IGF2BP2: variants seen among roughly 807,000 people sequenced by gnomAD.
IGF2BP2 encodes the protein insulin like growth factor 2 mRNA binding protein 2.
In IGF2BP2, 17 loss-of-function variants were observed where a neutral mutation model predicts 75.8. That is an observed-to-expected ratio of 0.22 (90% CI 0.15 to 0.34). The LOEUF (loss-of-function observed/expected upper bound fraction) is 0.34, where lower values mean the gene tolerates loss of function less well. IGF2BP2 is among the 10% of genes least tolerant of loss of function. IGF2BP2 has a pLI of 1.00. For missense variants in IGF2BP2, 516 were observed against 772.4 expected, an observed-to-expected ratio of 0.67 and a Z score of 3.93; for synonymous variants, 288 against 295.6, an observed-to-expected ratio of 0.97 and a Z score of 0.26.
At chr3:185,742,926 C>T (rs1049312604) in intron 2 of IGF2BP2, among the ~76,000 whole-genome samples, 1 of 151,962 alleles carries the variant, frequency 6.6e-6, no homozygotes, top group African/African-American at 2.4e-5. Flanking sequence ...TGGTGAAACC[C>T]CGTCTCTACT....
intron 2 of IGF2BP2, among the ~76,000 whole-genome samples, chr3:185,814,325 A>C (rs976271063): frequency 6.6e-6 from 1 of 152,218 alleles, no homozygotes; most frequent in African/African-American, 2.4e-5. Flanking sequence ...TCAAAACCTT[A>C]TTCATACAAT....
chr3:185,824,315 G>A (rs531337339), intron 1 of IGF2BP2, among the ~76,000 whole-genome samples: 2 of 151,562 alleles, frequency 1.3e-5, no homozygotes, highest in Non-Finnish European at 2.9e-5. Flanking sequence ...GAGGTTCTGG[G>A]CACGAGGCAC....
intron 2 of IGF2BP2, among the ~76,000 whole-genome samples, chr3:185,718,514 T>C (rs927852768): frequency 6.6e-6 from 1 of 151,348 alleles, no homozygotes; most frequent in African/African-American, 2.4e-5. Context: ...AGTGAAATCC[T>C]CTCTACTAAA....
At chr3:185,822,448 T>C (rs759969708) in intron 2 of IGF2BP2, among the ~76,000 whole-genome samples, 22 of 152,242 alleles carry the variant, frequency 1.4e-4, no homozygotes, top group Non-Finnish European at 2.6e-4. Flanking sequence ...CAAATCACTG[T>C]GGAGAAATCC....
intron 2 of IGF2BP2, among the ~76,000 whole-genome samples, chr3:185,711,698 T>C (rs763496879): frequency 2.6e-5 from 4 of 152,182 alleles, no homozygotes; most frequent in Non-Finnish European, 5.9e-5. Flanking sequence ...TCAAATTCCT[T>C]TTCCTACCTC....
chr3:185,660,599 C>T (rs1172448538), intron 10 of IGF2BP2, among the ~76,000 whole-genome samples: 2 of 152,132 alleles, frequency 1.3e-5, no homozygotes, highest in South Asian at 2.1e-4. Context: ...CTGCAGCAGC[C>T]CCTCATGCCC....
intron 7 of IGF2BP2, among the ~76,000 whole-genome samples, chr3:185,682,102 AAT>A (rs1720478364): frequency 2.6e-5 from 4 of 152,234 alleles, no homozygotes; most frequent in African/African-American, 9.6e-5. Flanking sequence ...CAAAGGATAT[AAT>A]CAACAGAGTG....
At chr3:185,732,874 G>A (rs1172740506) in intron 2 of IGF2BP2, among the ~76,000 whole-genome samples, 1 of 152,184 alleles carries the variant, frequency 6.6e-6, no homozygotes, top group Non-Finnish European at 1.5e-5. Flanking sequence ...ATAATACCAT[G>A]TGTATACGTT....
chr3:185,667,967 T>C (rs1393832519), intron 10 of IGF2BP2, among the ~76,000 whole-genome samples: 5 of 152,222 alleles, frequency 3.3e-5, no homozygotes, highest in South Asian at 4.1e-4. Context: ...CATAATGCTA[T>C]TGCACACTTA....
At chr3:185,719,131 TA>T (rs1055048171) in intron 2 of IGF2BP2, among the ~76,000 whole-genome samples, 2 of 152,146 alleles carry the variant, frequency 1.3e-5, no homozygotes, top group Non-Finnish European at 2.9e-5. Flanking sequence ...AGATGAATAC[TA>T]AGTGGGGATA....
At chr3:185,699,159 A>G (rs1722968701) in intron 2 of IGF2BP2, among the ~76,000 whole-genome samples, 1 of 152,222 alleles carries the variant, frequency 6.6e-6, no homozygotes, top group African/African-American at 2.4e-5. Context: ...AAAAAAACAA[A>G]AAACAAATGA....
intron 2 of IGF2BP2, among the ~76,000 whole-genome samples, chr3:185,799,938 A>G (rs1269632343): frequency 6.6e-6 from 1 of 152,230 alleles, no homozygotes; most frequent in East Asian, 1.9e-4. Context: ...GTATATACCC[A>G]AAGGATTATA....
At chr3:185,649,677 C>T (rs1714236069) in intron 13 of IGF2BP2, 143 bp from the exon 14 acceptor site, 1 of 1,135,868 alleles carries the variant, frequency 8.8e-7, no homozygotes, top group Non-Finnish European at 1.2e-6. Flanking sequence ...GCTGCGTGCC[C>T]CAGCCTCCGC....
Position 185,644,167 on chromosome 3 carries a change from T to C in IGF2BP2, c.*1364A>G, listed in dbSNP as rs1272633395. The C allele has an allele frequency of 6.6e-6, 1 of 152,434 alleles. No individual in the cohort carries two copies. The highest frequency in any genetic ancestry group is 2.4e-5 in the African/African-American group (1 of 41,394). 9.4% of individuals were successfully genotyped at this position (152,434 alleles called of 1,614,324 possible). A position where few individuals can be genotyped will look rare whatever the true frequency, so the allele number is the denominator to read the frequency against. On this transcript the variant is annotated 3_prime_UTR_variant, in exon 16 of 16. Coordinates refer to ENST00000382199, the MANE Select transcript of IGF2BP2 (RefSeq NM_006548.6). Reference sequence around the variant, plus strand: ...ATAAAAAAATGCTCCAACTATCAGCTTTACAAAATCTCTAAGGGAAACACA... The same window carrying C: ...ATAAAAAAATGCTCCAACTATCAGCCTTACAAAATCTCTAAGGGAAACACA...
In IGF2BP2 at chr3:185,804,100, T is replaced by C. The variant is rs1303789306; in HGVS notation, c.239+19053A>G. 2.6e-5 allele frequency among the ~76,000 whole-genome samples: 4 copies of C among 151,732 alleles called. No homozygotes were observed. The East Asian group carries it at 5.8e-4, about 22-fold the overall frequency. ...GGTGAAACCCCGTGTCTACTAAAAA[T>C]ACAAAAATTAGCCAGGCGTGGTGGC... On this transcript the variant is annotated intron_variant, in intron 2 of 15. Transcript: ENST00000382199.
chr3:185,724,528 T>C (rs1030076096), intron 2 of IGF2BP2: 1 of 152,366 alleles, frequency 6.6e-6, no homozygotes, highest in East Asian at 1.9e-4. Context: ...ACTTATTAAC[T>C]GAATGACCCT....
At chr3:185,662,272 G>C (rs938760400) in intron 10 of IGF2BP2, among the ~76,000 whole-genome samples, 2 of 152,026 alleles carry the variant, frequency 1.3e-5, no homozygotes, top group Non-Finnish European at 2.9e-5. Context: ...GAGGTCAGGA[G>C]TTCAAGACCA....
intron 2 of IGF2BP2, among the ~76,000 whole-genome samples, chr3:185,726,458 A>G (rs1445235700): frequency 6.6e-6 from 1 of 152,210 alleles, no homozygotes; most frequent in African/African-American, 2.4e-5. Flanking sequence ...TGAGATGGTG[A>G]AATGCACATT....
rs980744585 is a variant in IGF2BP2 at position 185,824,664 on chromosome 3, T to A, written c.178+119A>T. 4.8e-6 allele frequency: 3 copies of A among 631,002 alleles called. No individual in the cohort carries two copies. In the Admixed American group the frequency reaches 1.4e-4, roughly 30 times the overall value. 39.1% of individuals were successfully genotyped at this position (631,002 alleles called of 1,614,324 possible). A position where few individuals can be genotyped will look rare whatever the true frequency, so the allele number is the denominator to read the frequency against. On this transcript the variant is annotated intron_variant, in intron 1 of 15. Coordinates refer to ENST00000382199, the MANE Select transcript of IGF2BP2 (RefSeq NM_006548.6). ...GAGTTGAGGGTCTGGTGCGTGGAAG[T>A]GAGCGTGCGGGCGCGGGAGCCGCCG...
Sources: allele counts gnomAD v4.1 joint callset (sites outside exome capture counted in the v4.1 genomes callset), GRCh38; gene constraint gnomAD v4.1.1; transcripts MANE v1.5; gene names NCBI Gene and HGNC (gene_info 2026-07-23, HGNC 2026-07-21).